Variants in GRM5 observed in about 807,000 individuals in gnomAD.
The protein encoded by GRM5 is glutamate metabotropic receptor 5.
GRM5 carries 19 observed loss-of-function variants against 83.1 expected under a neutral mutation model. The observed-to-expected ratio is 0.23, with a 90% CI of 0.16 to 0.34. The LOEUF is 0.34. Ranked by LOEUF, GRM5 falls within the 10% of genes least tolerant of loss-of-function variation. GRM5 has a pLI of 1.00. For missense variants in GRM5, 1,160 were observed against 1,588.3 expected (o/e 0.73, Z 4.58); for synonymous variants, 675 against 633.6 (o/e 1.07, Z -0.98).
chr11:89,038,583 A>C (rs1354976661), intron 2 of GRM5, among the ~76,000 whole-genome samples: 1 of 152,232 alleles, frequency 6.6e-6, no homozygotes, highest in Non-Finnish European at 1.5e-5. Context: ...ACTTGTTACC[A>C]CAGGCCTCCT....
intron 3 of GRM5, among the ~76,000 whole-genome samples, chr11:88,807,659 T>C (rs529523445): frequency 6.6e-6 from 1 of 152,212 alleles, no homozygotes; most frequent in African/African-American, 2.4e-5. Context: ...AATCAGTCTG[T>C]TAAGCAAGTC....
chr11:88,705,524 A>G (rs1941134547), intron 3 of GRM5, among the ~76,000 whole-genome samples: 1 of 152,006 alleles, frequency 6.6e-6, no homozygotes, highest in African/African-American at 2.4e-5. Flanking sequence ...GTGAGGATGC[A>G]CTATAGCATG....
chr11:88,853,225 T>C (rs1360205564), intron 2 of GRM5, among the ~76,000 whole-genome samples: 4 of 152,130 alleles, frequency 2.6e-5, no homozygotes, highest in Non-Finnish European at 5.9e-5. Context: ...GATGCAAATG[T>C]CAATCATTGA....
chr11:88,710,612 G>A (rs947830341), intron 3 of GRM5, among the ~76,000 whole-genome samples: 1 of 152,086 alleles, frequency 6.6e-6, no homozygotes. Flanking sequence ...GATAAAAATT[G>A]TTCAAGAAAA....
Position 89,047,490 on chromosome 11 carries a change from C to T in GRM5, c.383G>A (p.Arg128His), listed in dbSNP as rs557855706. 9.9e-6 allele frequency: 16 copies of T among 1,614,162 alleles called. No individual in the cohort carries two copies. The highest frequency in any genetic ancestry group is 5.3e-5 in the African/African-American group (4 of 75,026). The stretch of plus-strand genomic sequence containing the variant: ...GGAAGAGGAGGAGCCATCCACACAG[C>T]GTACCAAGCCTTCTTCCTCTTCTGA... ...ISSEEEEGLV[R>H]CVDGSSSSFR... The change falls in exon 2 of 10, where the codon CGC becomes CAC. Residue 128 changes from arginine to histidine, a missense_variant. By Grantham distance (29) the Arg-to-His change is conservative. This residue lies in a region of GRM5 where 39 missense variants were observed against 36.7 expected (regional missense o/e 1.06). Transcript: ENST00000305447. The surrounding 1 kb of genome is among the most constrained non-coding windows in gnomAD (Gnocchi z 5.1).
intron 9 of GRM5, among the ~76,000 whole-genome samples, chr11:88,510,758 A>C (rs2135077154): frequency 6.6e-6 from 1 of 152,278 alleles, no homozygotes; most frequent in South Asian, 2.1e-4. Context: ...TCAAGTGATC[A>C]ACCTGCCTCA....
intron 3 of GRM5, among the ~76,000 whole-genome samples, chr11:88,664,377 T>A (rs1038024280): frequency 4.6e-5 from 7 of 152,108 alleles, no homozygotes; most frequent in African/African-American, 1.4e-4. Context: ...ATGTACAGAC[T>A]TTTTTTCCCT....
chr11:88,733,167 G>A (rs900845329), intron 3 of GRM5, among the ~76,000 whole-genome samples: 17 of 151,806 alleles, frequency 1.1e-4, no homozygotes, highest in East Asian at 3.9e-4. Context: ...CATTATTCTC[G>A]TCACTAGATT....
intron 3 of GRM5, among the ~76,000 whole-genome samples, chr11:88,693,976 C>A (rs1940845221): frequency 6.6e-6 from 1 of 152,158 alleles, no homozygotes; most frequent in Non-Finnish European, 1.5e-5. Flanking sequence ...TGATTAAGAA[C>A]ACTCTTTTTG....
At chr11:88,868,231 C>T (rs1210906942) in intron 2 of GRM5, among the ~76,000 whole-genome samples, 1 of 151,844 alleles carries the variant, frequency 6.6e-6, no homozygotes, top group Non-Finnish European at 1.5e-5. Flanking sequence ...AGTAGGCAAT[C>T]ATAAAGAGCT....
chr11:88,642,372 G>T (rs4753152), intron 4 of GRM5, among the ~76,000 whole-genome samples: 103,570 of 151,998 alleles, frequency 0.68, 41,224 homozygotes, highest in Non-Finnish European at 0.9. Context: ...GCTGCCACAA[G>T]GGTCTCTGAA....
At chr11:88,906,087 C>T (rs956079691) in intron 2 of GRM5, among the ~76,000 whole-genome samples, 2 of 152,070 alleles carry the variant, frequency 1.3e-5, no homozygotes, top group African/African-American at 4.8e-5. Flanking sequence ...ATATTGGTTA[C>T]CTTCTGTTTT....
At position 88,645,219 on chromosome 11, in the gene GRM5, A is replaced by G. The variant is rs115307758; in HGVS notation, c.1147+7949T>C. Among the ~76,000 whole-genome samples, 1,120 of 152,250 alleles carry G rather than the reference A, an allele frequency of 7.4e-3. 13 individuals are homozygous for G. The highest frequency in any genetic ancestry group is 0.026 in the African/African-American group (1,081 of 41,558). On this transcript the variant is annotated intron_variant, in intron 4 of 9. Coordinates refer to ENST00000305447, the MANE Select transcript of GRM5 (RefSeq NM_001143831.3). ...TGTGAGTAGTTCCTTGGGGGAACAAAAAATGGGGAAGTATATCTGTGCTCA... is the reference window on the plus strand; with the variant it reads ...TGTGAGTAGTTCCTTGGGGGAACAAGAAATGGGGAAGTATATCTGTGCTCA...
At chr11:88,660,076 G>GCCATGC (rs145179189) in intron 3 of GRM5, among the ~76,000 whole-genome samples, 3,800 of 152,236 alleles carry the variant, frequency 0.025, 140 homozygotes, top group African/African-American at 0.085. Context: ...TAGGTTCCAG[G>GCCATGC]CCATGCCCTC....
chr11:88,860,055 A>G (rs1356166915), intron 2 of GRM5, among the ~76,000 whole-genome samples: 1 of 152,162 alleles, frequency 6.6e-6, no homozygotes, highest in Admixed American at 6.6e-5. Flanking sequence ...GAAGAGGGAG[A>G]AACTTCAGAG....
chr11:88,823,394 T>C (rs964423090), intron 3 of GRM5, among the ~76,000 whole-genome samples: 1 of 152,066 alleles, frequency 6.6e-6, no homozygotes, highest in Non-Finnish European at 1.5e-5. Context: ...ACTTTCCACC[T>C]CCCTGAAGAG....
At chr11:88,743,194 C>T (rs1248489107) in intron 3 of GRM5, among the ~76,000 whole-genome samples, 1 of 152,024 alleles carries the variant, frequency 6.6e-6, no homozygotes, top group Non-Finnish European at 1.5e-5. Flanking sequence ...GGTGATGGAC[C>T]ATCTCACTTC....
intron 2 of GRM5, among the ~76,000 whole-genome samples, chr11:89,018,996 C>T (rs1457678771): frequency 2.6e-5 from 4 of 152,120 alleles, no homozygotes; most frequent in African/African-American, 7.2e-5. Flanking sequence ...TCCTTAGTGT[C>T]TTCCTAGTAT....
intron 2 of GRM5, among the ~76,000 whole-genome samples, chr11:88,971,797 G>T (rs1365809308): frequency 2.0e-5 from 3 of 152,024 alleles, no homozygotes; most frequent in Non-Finnish European, 4.4e-5. Context: ...GCAGTTATGA[G>T]GAGCACATAT....
Sources: gnomAD v4.1 joint callset for allele counts (sites outside exome capture counted in the v4.1 genomes callset) on GRCh38, gnomAD v4.1.1 for gene constraint, gnomAD v4.1.1 regional missense constraint, Gnocchi (gnomAD v3.1) non-coding constraint, MANE v1.5 for transcripts, NCBI Gene and HGNC (gene_info 2026-07-23, HGNC 2026-07-21) for gene names.